The following BMPER variants were observed in gnomAD, a reference collection of about 807,000 sequenced individuals.
BMPER encodes BMP-binding endothelial regulator protein.
In BMPER, 45 loss-of-function variants were observed where a neutral mutation model predicts 87.3. The observed-to-expected ratio is 0.52, with a 90% CI of 0.41 to 0.66. The LOEUF is 0.66. Ranked by LOEUF, BMPER falls within the 30% of genes least tolerant of loss-of-function variation. The pLI is 0.00. For synonymous variants in BMPER, 326 were observed against 316.2 expected (o/e 1.03, Z -0.33); for missense variants, 784 against 867.5 (o/e 0.90, Z 1.21).
chr7:34,131,169 C>T (rs1300045385), intron 13 of BMPER, among the ~76,000 whole-genome samples: 1 of 152,024 alleles, frequency 6.6e-6, no homozygotes, highest in African/African-American at 2.4e-5. Context: ...AATGTCTGGT[C>T]ATGGAGTCCT....
At position 34,152,996 on chromosome 7, in the gene BMPER, A is replaced by G. The variant is rs1431982979; in HGVS notation, c.1877-96A>G. 1.1e-5 allele frequency: 15 copies of G among 1,391,874 alleles called. No homozygotes were observed. The East Asian group carries it at 1.8e-4, about 17-fold the overall frequency. 86.2% of individuals were successfully genotyped at this position (1,391,874 alleles called of 1,614,324 possible). A position where few individuals can be genotyped will look rare whatever the true frequency, so the allele number is the denominator to read the frequency against. ...GTGATCCTGAGCTATGGAAACGTCC[A>G]TGAAGTGTCATGAGCCTGCAAGAAC... On this transcript the variant is annotated intron_variant, in intron 14 of 14. Transcript: ENST00000649409.
rs61486467 is a variant in BMPER, at chr7:33,961,520, G to T, written c.320-4959G>T. 5.8e-3 allele frequency among the ~76,000 whole-genome samples: 879 copies of T among 152,304 alleles called. 4 individuals carry two copies. Among genetic ancestry groups the T allele is most frequent in the African/African-American group, 0.02 (824 of 41,568 alleles). ...AGGAGAAACAGTCAGTGAGCCTGTT[G>T]CAATAGTCCAGGCAGGCGAGAAATA... On this transcript the variant is annotated intron_variant, in intron 3 of 14. Transcript: ENST00000649409.
At chr7:34,024,383 C>T (rs1419596667) in intron 6 of BMPER, among the ~76,000 whole-genome samples, 1 of 7,248 alleles carries the variant, frequency 1.4e-4, no homozygotes, top group African/African-American at 5.3e-4. Context: ...AAAAAAAAAA[C>T]AATATATATA....
chr7:33,953,989 A>C (rs1032168816), intron 3 of BMPER, among the ~76,000 whole-genome samples: 6 of 152,318 alleles, frequency 3.9e-5, no homozygotes, highest in African/African-American at 1.4e-4. Context: ...TTATTCCTTA[A>C]AAGGCTAGAT....
At chr7:33,994,344 CG>C (rs1469396063) in intron 6 of BMPER, among the ~76,000 whole-genome samples, 4 of 152,210 alleles carry the variant, frequency 2.6e-5, no homozygotes, top group Non-Finnish European at 4.4e-5. Context: ...TTAAGCCCGT[CG>C]GAAAAGCGCG....
At chr7:34,040,627 A>T (rs867255429) in intron 6 of BMPER, among the ~76,000 whole-genome samples, 1 of 152,154 alleles carries the variant, frequency 6.6e-6, no homozygotes, top group Non-Finnish European at 1.5e-5. Context: ...AAGCATGGAA[A>T]TGGCCCATTA....
rs140121281 is a variant in BMPER, at chr7:33,907,133, C to T, written c.219+230C>T. Among the ~76,000 whole-genome samples the T allele has an allele frequency of 3.3e-3, 502 of 151,696 alleles. 2 individuals are homozygous for T. Among genetic ancestry groups the T allele is most frequent in the African/African-American group, 0.012 (479 of 41,332 alleles). ...TTATCTTTGACATCATCCTTATAGA[C>T]GTAAATTTCAGATAGGCTTTGTATG... On this transcript the variant is annotated intron_variant, in intron 2 of 14. Coordinates refer to ENST00000649409, the MANE Select transcript of BMPER (RefSeq NM_001365308.1).
intron 6 of BMPER, among the ~76,000 whole-genome samples, chr7:33,984,003 A>G (rs1785930889): frequency 6.6e-6 from 1 of 152,204 alleles, no homozygotes; most frequent in South Asian, 2.1e-4. Context: ...TGTCTCCATA[A>G]TGCCAGTGTG....
chr7:33,920,181 A>G (rs1332570254), intron 2 of BMPER, among the ~76,000 whole-genome samples: 1 of 152,082 alleles, frequency 6.6e-6, no homozygotes, highest in African/African-American at 2.4e-5. Context: ...CAAGTAGCCA[A>G]TTTGGCTACT....
chr7:34,024,383 CAATATATATATATA>C (rs1787292518), intron 6 of BMPER, among the ~76,000 whole-genome samples: 2 of 7,248 alleles, frequency 2.8e-4, no homozygotes, highest in African/African-American at 1.1e-3. Flanking sequence ...AAAAAAAAAA[CAATATATATATATA>C]TATATATATA....
chr7:33,994,804 A>G (rs1344698564), intron 6 of BMPER, among the ~76,000 whole-genome samples: 1 of 152,056 alleles, frequency 6.6e-6, no homozygotes, highest in Non-Finnish European at 1.5e-5. Flanking sequence ...TTGGCTAGTT[A>G]TGTCACCTGG....
At chr7:33,912,424 A>G (rs1329639709) in intron 2 of BMPER, among the ~76,000 whole-genome samples, 1 of 152,086 alleles carries the variant, frequency 6.6e-6, no homozygotes, top group African/African-American at 2.4e-5. Context: ...AACACTGTTT[A>G]TTTTGTTTTG....
intron 2 of BMPER, among the ~76,000 whole-genome samples, chr7:33,932,781 G>A (rs574429523): frequency 1.4e-4 from 21 of 152,060 alleles, no homozygotes; most frequent in Non-Finnish European, 2.4e-4. Flanking sequence ...TTCCATAATA[G>A]GATTGGTTCT....
At chr7:34,150,077 G>A (rs1453353494) in intron 14 of BMPER, among the ~76,000 whole-genome samples, 1 of 152,006 alleles carries the variant, frequency 6.6e-6, no homozygotes, top group Non-Finnish European at 1.5e-5. Flanking sequence ...GGCAGTGAGG[G>A]GTAAGTTAAG....
At chr7:34,144,063 A>C (rs1790952152) in intron 14 of BMPER, among the ~76,000 whole-genome samples, 1 of 152,166 alleles carries the variant, frequency 6.6e-6, no homozygotes, top group South Asian at 2.1e-4. Flanking sequence ...GGAAACAAAC[A>C]GGGCAGAGTG....
chr7:33,905,438 T>TCCCCCCCCCCTCCCCCCCCCCC, upstream of BMPER: 1 of 23,006 alleles, frequency 4.3e-5, no homozygotes. Context: ...CCTTGGTCTC[T>TCCCCCCCCCCTCCCCCCCCCCC]CCCCCCGCCC....
At chr7:34,063,375 CTATATGTGTGTG>C (rs1296794977) in intron 11 of BMPER, among the ~76,000 whole-genome samples, 278 of 127,978 alleles carry the variant, frequency 2.2e-3, no homozygotes, top group African/African-American at 8.2e-3. Context: ...TGCAGGGTCA[CTATATGTGTGTG>C]TGTGTGTGTG....
intron 13 of BMPER, among the ~76,000 whole-genome samples, chr7:34,142,889 A>G (rs1310575941): frequency 6.6e-6 from 1 of 152,230 alleles, no homozygotes; most frequent in Non-Finnish European, 1.5e-5. Flanking sequence ...AGCAAATTAG[A>G]AACTTGGTTC....
At chr7:33,946,861 A>G (rs1222740815) in intron 3 of BMPER, among the ~76,000 whole-genome samples, 1 of 152,200 alleles carries the variant, frequency 6.6e-6, no homozygotes, top group Admixed American at 6.5e-5. Context: ...CTTTAATTGC[A>G]TTGCTCATAT....
Sources: allele counts gnomAD v4.1 joint callset (sites outside exome capture counted in the v4.1 genomes callset), GRCh38; gene constraint gnomAD v4.1.1; transcripts MANE v1.5; gene names NCBI Gene and HGNC (gene_info 2026-07-23, HGNC 2026-07-21).